SLC38A12: variants seen among roughly 807,000 people sequenced by gnomAD.
SLC38A12 encodes putative sodium-coupled neutral amino acid transporter 12.
At chr17:74,790,930 TCTTC>T in the SLC38A12 span, 22 of 1,612,142 alleles carry the variant, frequency 1.4e-5, no homozygotes, top group Non-Finnish European at 1.9e-5. Flanking sequence ...AACCACTTCC[TCTTC>T]CTTGTTCTTT....
At chr17:74,781,666 C>G in the SLC38A12 span, among the ~76,000 whole-genome samples, 13 of 152,218 alleles carry the variant, frequency 8.5e-5, no homozygotes, top group African/African-American at 3.1e-4. Context: ...AGGTTTTTTT[C>G]CCTTCATAAG....
At chr17:74,786,666 G>A in the SLC38A12 span, among the ~76,000 whole-genome samples, 3 of 152,186 alleles carry the variant, frequency 2.0e-5, no homozygotes, top group Non-Finnish European at 4.4e-5. Flanking sequence ...AGGATGAGAC[G>A]GAGCTTAGTA....
the SLC38A12 span, chr17:74,835,966 G>A: frequency 6.2e-7 from 1 of 1,611,626 alleles, no homozygotes; most frequent in South Asian, 1.1e-5. Context: ...ATCCGCATCG[G>A]GCACGGACAA....
the SLC38A12 span, among the ~76,000 whole-genome samples, chr17:74,810,875 G>C: frequency 6.6e-6 from 1 of 152,224 alleles, no homozygotes; most frequent in South Asian, 2.1e-4. Flanking sequence ...GTGCACACAG[G>C]CTGCCGGCAT....
chr17:74,793,876 C>T, the SLC38A12 span, among the ~76,000 whole-genome samples: 1 of 152,184 alleles, frequency 6.6e-6, no homozygotes, highest in African/African-American at 2.4e-5. Context: ...TCTTTTCCCC[C>T]CCAGGCTCCT....
the SLC38A12 span, among the ~76,000 whole-genome samples, chr17:74,798,408 T>C: frequency 6.6e-6 from 1 of 152,238 alleles, no homozygotes; most frequent in Non-Finnish European, 1.5e-5. Flanking sequence ...GAGATGCTTC[T>C]ACCAGCAGCT....
the SLC38A12 span, chr17:74,836,320 C>T: frequency 6.2e-7 from 1 of 1,613,054 alleles, no homozygotes; most frequent in Non-Finnish European, 8.5e-7. This position sits in a 1 kb window ranked among gnomAD's most constrained non-coding sequence, Gnocchi z 4.2. Flanking sequence ...ATTGCCGTGA[C>T]CCTGCGCAAC....
chr17:74,793,213 G>A, the SLC38A12 span, among the ~76,000 whole-genome samples: 2 of 152,146 alleles, frequency 1.3e-5, no homozygotes, highest in African/African-American at 4.8e-5. Flanking sequence ...TGTTTGGGCT[G>A]GGGAATTCCT....
the SLC38A12 span, among the ~76,000 whole-genome samples, chr17:74,830,100 C>T: frequency 8.5e-5 from 13 of 152,100 alleles, no homozygotes; most frequent in Non-Finnish European, 1.8e-4. Context: ...TGGTAGGACT[C>T]CCCGAACATG....
At chr17:74,815,996 G>A in the SLC38A12 span, among the ~76,000 whole-genome samples, 1 of 152,194 alleles carries the variant, frequency 6.6e-6, no homozygotes, top group African/African-American at 2.4e-5. Flanking sequence ...AGGCTGCAGG[G>A]TCCCTTCCCC....
chr17:74,823,952 C>A, the SLC38A12 span, among the ~76,000 whole-genome samples: 1 of 152,272 alleles, frequency 6.6e-6, no homozygotes, highest in Non-Finnish European at 1.5e-5. Context: ...TAGCGCAGCA[C>A]CTGCACAGTG....
At chr17:74,814,449 G>A in the SLC38A12 span, among the ~76,000 whole-genome samples, 2 of 152,206 alleles carry the variant, frequency 1.3e-5, no homozygotes, top group Non-Finnish European at 2.9e-5. Context: ...CTTCATGGAG[G>A]GAGGAATATC....
At chr17:74,829,813 G>A in the SLC38A12 span, among the ~76,000 whole-genome samples, 1 of 151,494 alleles carries the variant, frequency 6.6e-6, no homozygotes, top group South Asian at 2.1e-4. This position sits in a 1 kb window ranked among gnomAD's most constrained non-coding sequence, Gnocchi z 4.1. Context: ...AGTGGTGCCT[G>A]GGAAGGTCAC....
chr17:74,799,283 G>A, the SLC38A12 span, among the ~76,000 whole-genome samples: 535 of 152,356 alleles, frequency 3.5e-3, 3 homozygotes, highest in Middle Eastern at 0.01. Flanking sequence ...CAGGTGGCCC[G>A]GCAGGCCCCG....
chr17:74,839,078 C>T, the SLC38A12 span: 1 of 1,535,352 alleles, frequency 6.5e-7, no homozygotes, highest in South Asian at 1.2e-5. Flanking sequence ...CCTCCCTCCC[C>T]ACAGAAGCAC....
At chr17:74,804,907 G>A in the SLC38A12 span, among the ~76,000 whole-genome samples, 5 of 152,226 alleles carry the variant, frequency 3.3e-5, no homozygotes, top group Non-Finnish European at 5.9e-5. Flanking sequence ...ACACTTCCCA[G>A]CTGGTCCCTT....
the SLC38A12 span, chr17:74,777,251 CT>C: frequency 5.2e-6 from 8 of 1,550,428 alleles, no homozygotes; most frequent in Admixed American, 1.3e-4. Flanking sequence ...GAAGCCTGCT[CT>C]TTTGTTTTAA....
chr17:74,837,967 CT>C, the SLC38A12 span: 1 of 985,786 alleles, frequency 1.0e-6, no homozygotes, highest in Non-Finnish European at 1.2e-6. Flanking sequence ...CCACCCCTCC[CT>C]CTTTTGAGTT....
chr17:74,810,935 T>C, the SLC38A12 span, among the ~76,000 whole-genome samples: 1 of 152,236 alleles, frequency 6.6e-6, no homozygotes, highest in African/African-American at 2.4e-5. Flanking sequence ...GTCTTCCGCA[T>C]GGTGAATGAT....
Sources: gnomAD v4.1 joint callset for allele counts (sites outside exome capture counted in the v4.1 genomes callset) on GRCh38, gnomAD v4.1.1 for gene constraint, Gnocchi (gnomAD v3.1) non-coding constraint, MANE v1.5 for transcripts, NCBI Gene and HGNC (gene_info 2026-07-23, HGNC 2026-07-21) for gene names.